The following LIMS1 variants were observed in gnomAD, a reference collection of about 807,000 sequenced individuals.
LIMS1 encodes the protein LIM and senescent cell antigen-like-containing domain protein 1.
Under a neutral mutation model 44.1 loss-of-function variants are expected in LIMS1, and 18 were observed. That is an observed-to-expected ratio of 0.41 (90% CI 0.28 to 0.61). The LOEUF is 0.61. Among genes scored for constraint, LIMS1 ranks in the 20% least tolerant of loss-of-function variants. The pLI is 0.32. For synonymous variants in LIMS1, 93 were observed against 149.1 expected (o/e 0.62, Z 2.74); for missense variants, 201 against 422.0 (o/e 0.48, Z 4.59).
At chr2:108,619,906 A>G (rs1688143102) in intron 1 of LIMS1, among the ~76,000 whole-genome samples, 1 of 152,142 alleles carries the variant, frequency 6.6e-6, no homozygotes, top group African/African-American at 2.4e-5. Context: ...AGCAGCCAGT[A>G]TTACCGGTTT....
At chr2:108,620,447 G>A (rs746237854) in intron 1 of LIMS1, among the ~76,000 whole-genome samples, 10 of 152,126 alleles carry the variant, frequency 6.6e-5, no homozygotes, top group African/African-American at 1.9e-4. Flanking sequence ...TTGGAGGGCC[G>A]TGCTGTGCCT....
intron 2 of LIMS1, 38 bp downstream of exon 2, chr2:108,659,802 C>A (rs755911206): frequency 6.2e-7 from 1 of 1,612,024 alleles, no homozygotes; most frequent in Non-Finnish European, 8.5e-7. Context: ...GGTGCCATTC[C>A]CCGCCCTCCC....
chr2:108,603,770 G>T (rs2104729593), intron 1 of LIMS1, among the ~76,000 whole-genome samples: 1 of 151,594 alleles, frequency 6.6e-6, no homozygotes, highest in Non-Finnish European at 1.5e-5. Flanking sequence ...TATTTATTTA[G>T]GTCCTCTATT....
intron 4 of LIMS1, 54 bp from the exon 5 acceptor site, chr2:108,672,826 T>C (rs1692241787): frequency 1.6e-5 from 8 of 509,654 alleles, no homozygotes; most frequent in Middle Eastern, 4.6e-4. Context: ...CATATTTCTT[T>C]TTAACCATTA....
Position 108,635,653 on chromosome 2 carries a change from C to CCGCACCACTG in LIMS1, c.33-23943_33-23942insGCGCACCACT, listed in dbSNP as rs554083441. 1.4e-3 allele frequency among the ~76,000 whole-genome samples: 206 copies of CCGCACCACTG among 150,652 alleles called. 1 individual carries two copies. Among genetic ancestry groups the CCGCACCACTG allele is most frequent in the Admixed American group, 3.2e-3 (48 of 15,130 alleles). ...AGGGGGAGGTTTCGGTGAACTGAGACCGCACCACTACACTCCAGCCTGGGT... is the reference window on the plus strand; with the variant it reads ...AGGGGGAGGTTTCGGTGAACTGAGACCGCACCACTGCGCACCACTACACTCCAGCCTGGGT... On this transcript the variant is annotated intron_variant, in intron 1 of 9. Coordinates refer to ENST00000544547, the Ensembl canonical transcript of LIMS1.
intron 1 of LIMS1, among the ~76,000 whole-genome samples, chr2:108,642,508 C>T (rs1377591571): frequency 6.6e-6 from 1 of 151,470 alleles, no homozygotes; most frequent in Non-Finnish European, 1.5e-5. Flanking sequence ...TACAGGCGCC[C>T]GCTACCACGC....
chr2:108,559,686 T>C (rs1037237689), intron 1 of LIMS1, among the ~76,000 whole-genome samples: 2 of 152,248 alleles, frequency 1.3e-5, no homozygotes, highest in Non-Finnish European at 2.9e-5. Context: ...GTCTTCGATG[T>C]GCTTGTTATA....
At chr2:108,675,968 T>C in exon 6 of LIMS1, 1 of 1,614,040 alleles carries the variant, frequency 6.2e-7, no homozygotes, top group Non-Finnish European at 8.5e-7. Context: ...TCTGTGGTGC[T>C]TGCCGACGGC....
chr2:108,607,126 G>A lies in LIMS1; in HGVS notation c.33-52479G>A, dbSNP rs1687312265. The stretch of plus-strand genomic sequence containing the variant: ...ATGAGATTACTGCCCTTATAAAATA[G>A]GCCCAAGGGAGCCTGCTTGCCCCTT... On this transcript the variant is annotated intron_variant, in intron 1 of 9. Transcript: ENST00000544547. 4.1e-5 allele frequency: 47 copies of A among 1,151,376 alleles called. 2 individuals carry two copies. In the South Asian group the frequency reaches 6.4e-4, roughly 16 times the overall value. 71.3% of individuals were successfully genotyped at this position (1,151,376 alleles called of 1,614,324 possible). A position where few individuals can be genotyped will look rare whatever the true frequency, so the allele number is the denominator to read the frequency against.
intron 1 of LIMS1, among the ~76,000 whole-genome samples, chr2:108,648,226 G>A: frequency 6.6e-6 from 1 of 152,242 alleles, no homozygotes; most frequent in East Asian, 1.9e-4. Flanking sequence ...TTGTTACTAA[G>A]AGAATAAAAT....
chr2:108,676,395 T>C (rs186622085), intron 6 of LIMS1, among the ~76,000 whole-genome samples: 4 of 152,290 alleles, frequency 2.6e-5, no homozygotes, highest in Admixed American at 1.3e-4. Context: ...TTTTGGGCTA[T>C]TATAATAGGC....
At chr2:108,585,150 C>CAA (rs35679577) in intron 1 of LIMS1, among the ~76,000 whole-genome samples, 2,320 of 68,558 alleles carry the variant, frequency 0.034, 115 homozygotes, top group South Asian at 0.16. Context: ...GACTCCGTCT[C>CAA]AAAAAAAAAA....
chr2:108,551,291 C>CTA (rs893773624), intron 1 of LIMS1, among the ~76,000 whole-genome samples: 29 of 146,350 alleles, frequency 2.0e-4, no homozygotes, highest in African/African-American at 6.0e-4. Flanking sequence ...TTCACTCATA[C>CTA]TATATATATA....
At chr2:108,661,517 G>T (rs1273913862) in intron 2 of LIMS1, among the ~76,000 whole-genome samples, 1 of 152,062 alleles carries the variant, frequency 6.6e-6, no homozygotes, top group East Asian at 1.9e-4. Context: ...AGAGGCCAAT[G>T]TACCACAGCA....
chr2:108,636,857 G>A (rs542310234), intron 1 of LIMS1, among the ~76,000 whole-genome samples: 1 of 152,120 alleles, frequency 6.6e-6, no homozygotes, highest in Non-Finnish European at 1.5e-5. Context: ...AACAAGAGGA[G>A]TGACTGAGGC....
At chr2:108,656,512 C>CA (rs1325969304) in intron 1 of LIMS1, among the ~76,000 whole-genome samples, 4 of 151,984 alleles carry the variant, frequency 2.6e-5, no homozygotes, top group Non-Finnish European at 5.9e-5. Context: ...AATATAAAAT[C>CA]AACATTTAAA....
At chr2:108,617,759 TTACCAAGCCA>T (rs1688005774) in intron 1 of LIMS1, among the ~76,000 whole-genome samples, 1 of 152,150 alleles carries the variant, frequency 6.6e-6, no homozygotes, top group South Asian at 2.1e-4. Context: ...TCTTCCAGTC[TTACCAAGCCA>T]TATGTGCAAA....
chr2:108,534,652 TCGGGCCGGGC>T (rs947162437), intron 1 of LIMS1, 58 bp downstream of exon 1: 2 of 997,140 alleles, frequency 2.0e-6, no homozygotes, highest in East Asian at 8.1e-5. Context: ...CGGCGGGCCT[TCGGGCCGGGC>T]CGGGCCGGGC....
intron 1 of LIMS1, among the ~76,000 whole-genome samples, chr2:108,631,148 G>A (rs1688899746): frequency 6.6e-6 from 1 of 152,130 alleles, no homozygotes; most frequent in Admixed American, 6.5e-5. Flanking sequence ...TTAAAGAATG[G>A]GGTAGACTGA....
Sources: allele counts gnomAD v4.1 joint callset (sites outside exome capture counted in the v4.1 genomes callset), GRCh38; gene constraint gnomAD v4.1.1; transcripts MANE v1.5; gene names NCBI Gene and HGNC (gene_info 2026-07-23, HGNC 2026-07-21).